PARVA: variants seen among roughly 807,000 people sequenced by gnomAD.
The protein encoded by PARVA is parvin alpha.
A neutral mutation model predicts 52.6 loss-of-function variants in PARVA; 25 were observed. The ratio of observed to expected loss-of-function variants is 0.48; its 90% CI spans 0.35 to 0.66. The LOEUF is 0.66. Among genes scored for constraint, PARVA ranks in the 30% least tolerant of loss-of-function variants. The probability of loss-of-function intolerance (pLI) is 0.01; values close to 1 mark genes in which losing one functional copy is unlikely to be tolerated. For missense variants in PARVA, 373 were observed against 450.9 expected, an observed-to-expected ratio of 0.83 and a Z score of 1.56; for synonymous variants, 185 against 179.1, an observed-to-expected ratio of 1.03 and a Z score of -0.26.
intron 12 of PARVA, 98 bp from the exon 13 acceptor site, chr11:12,527,751 A>C: frequency 1.1e-6 from 1 of 892,890 alleles, no homozygotes; most frequent in South Asian, 1.4e-5. Context: ...TGCTGGGTAC[A>C]TGGGATTGGG....
At chr11:12,489,735 G>A (rs1007230075) in intron 4 of PARVA, among the ~76,000 whole-genome samples, 1 of 151,964 alleles carries the variant, frequency 6.6e-6, no homozygotes, top group Non-Finnish European at 1.5e-5. Context: ...AAGCATAGAG[G>A]AAAAAATCAA....
intron 3 of PARVA, among the ~76,000 whole-genome samples, chr11:12,474,301 G>A (rs138008937): frequency 6.6e-6 from 1 of 151,986 alleles, no homozygotes; most frequent in African/African-American, 2.4e-5. Context: ...GCAGGCAGTG[G>A]AGCAGTAATT....
At chr11:12,496,122 G>A (rs573849119) in intron 4 of PARVA, among the ~76,000 whole-genome samples, 9 of 152,312 alleles carry the variant, frequency 5.9e-5, no homozygotes, top group South Asian at 2.1e-4. Context: ...CTTTCCAGTC[G>A]GAGCACAGAG....
chr11:12,388,743 G>T (rs987854384), intron 1 of PARVA, among the ~76,000 whole-genome samples: 2 of 151,444 alleles, frequency 1.3e-5, no homozygotes, highest in African/African-American at 4.9e-5. Flanking sequence ...GTAAAGATAA[G>T]TTTTTTTATC....
In PARVA at chr11:12,393,070, AAG is replaced by A. The variant is rs369666372; in HGVS notation, c.136+15289_136+15290del. The stretch of plus-strand genomic sequence containing the variant: ...AAAAAAAAAAAAAAAAAAAAAAAGA[AAG>A]AAAAAAAATACCAGAAAAGTAGCAA... On this transcript the variant is annotated intron_variant, in intron 1 of 12. Coordinates refer to ENST00000334956, the MANE Select transcript of PARVA (RefSeq NM_018222.5). Among the ~76,000 whole-genome samples the A allele has an allele frequency of 2.4e-3, 361 of 150,870 alleles. 2 individuals carry two copies. Among genetic ancestry groups the A allele is most frequent in the African/African-American group, 8.4e-3 (345 of 41,046 alleles).
chr11:12,401,593 C>A (rs1022900950), intron 1 of PARVA, among the ~76,000 whole-genome samples: 1 of 152,086 alleles, frequency 6.6e-6, no homozygotes. Flanking sequence ...TTGAAGACAT[C>A]GTACTGAAGT....
At chr11:12,443,043 A>C (rs1940490422) in intron 1 of PARVA, among the ~76,000 whole-genome samples, 1 of 151,356 alleles carries the variant, frequency 6.6e-6, no homozygotes, top group South Asian at 2.1e-4. Context: ...TTATATTTTT[A>C]GTACAGATGG....
intron 1 of PARVA, among the ~76,000 whole-genome samples, chr11:12,449,755 G>C (rs527598571): frequency 5.9e-5 from 9 of 152,306 alleles, no homozygotes; most frequent in African/African-American, 1.7e-4. Context: ...CTGGCATTTA[G>C]TGGGTAGGGG....
chr11:12,472,857 A>G (rs1388034799), intron 1 of PARVA, among the ~76,000 whole-genome samples: 1 of 152,180 alleles, frequency 6.6e-6, no homozygotes, highest in Non-Finnish European at 1.5e-5. Context: ...TAGGAGGGGT[A>G]ATCCAAGGTC....
At chr11:12,443,741 A>T (rs1416692131) in intron 1 of PARVA, among the ~76,000 whole-genome samples, 1 of 152,166 alleles carries the variant, frequency 6.6e-6, no homozygotes, top group Non-Finnish European at 1.5e-5. Flanking sequence ...AAACAGGTGT[A>T]GCATAATTTT....
chr11:12,454,868 C>T (rs138689816), intron 1 of PARVA, among the ~76,000 whole-genome samples: 181 of 152,260 alleles, frequency 1.2e-3, no homozygotes, highest in African/African-American at 4.2e-3. Flanking sequence ...TTAATAATTC[C>T]TTAACATGTT....
At chr11:12,456,266 T>C (rs1249152111) in intron 1 of PARVA, among the ~76,000 whole-genome samples, 1 of 152,222 alleles carries the variant, frequency 6.6e-6, no homozygotes, top group Non-Finnish European at 1.5e-5. Flanking sequence ...GGGCATTTCG[T>C]ATGTGCCATG....
chr11:12,533,808 C>CGGAGGAGGA lies in PARVA; in HGVS notation c.*5900_*5908dup, dbSNP rs1554904930. ...CCTCATGGTCATCACATTGAGTAGG[C>CGGAGGAGGA]GGAGGAGGAGGAGGAGGAGGAGGAG... On this transcript the variant is annotated 3_prime_UTR_variant, in exon 13 of 13. Transcript: ENST00000334956. 4.0e-5 allele frequency among the ~76,000 whole-genome samples: 6 copies of CGGAGGAGGA among 150,164 alleles called. No individual in the cohort carries two copies. Among genetic ancestry groups the CGGAGGAGGA allele is most frequent in the African/African-American group, 1.2e-4 (5 of 40,576 alleles).
At chr11:12,396,359 CTGGCAATTTGTCTAGTT>C (rs1304427474) in intron 1 of PARVA, among the ~76,000 whole-genome samples, 83 of 152,286 alleles carry the variant, frequency 5.5e-4, no homozygotes, top group African/African-American at 1.9e-3. Flanking sequence ...TTTAAAGGTG[CTGGCAATTTGTCTAGTT>C]TGTCCATTTG....
chr11:12,482,143 C>A (rs544497611), intron 4 of PARVA, among the ~76,000 whole-genome samples: 11 of 125,238 alleles, frequency 8.8e-5, no homozygotes, highest in Non-Finnish European at 1.8e-4. Context: ...GCAGCAAGAA[C>A]GAAACCCTGT....
intron 4 of PARVA, chr11:12,478,163 G>T: frequency 1.5e-6 from 1 of 648,710 alleles, no homozygotes; most frequent in Non-Finnish European, 2.9e-6. Context: ...TCCATGACTA[G>T]GTGGGCCTGC....
chr11:12,527,213 A>G (rs1941714447), intron 12 of PARVA, among the ~76,000 whole-genome samples: 2 of 152,110 alleles, frequency 1.3e-5, no homozygotes, highest in South Asian at 4.2e-4. Context: ...CAAAGGAAGG[A>G]AGGCAAAGAG....
Position 12,429,830 on chromosome 11 carries a change from C to G in PARVA, c.137-43915C>G, listed in dbSNP as rs567735562. ...AGCTTAGCGTTCCAATAATGGAACA[C>G]TAGGCATAACTGGGATAAACTGAAA... On this transcript the variant is annotated intron_variant, in intron 1 of 12. Transcript: ENST00000334956. Among the ~76,000 whole-genome samples the G allele has an allele frequency of 2.0e-5, 3 of 152,246 alleles. No homozygotes were observed. In the East Asian group the frequency reaches 5.8e-4, roughly 29 times the overall value.
rs34904579 is a variant in PARVA, at chr11:12,490,516, C to CAA, written c.401-5930_401-5929dup. 1.5e-3 allele frequency among the ~76,000 whole-genome samples: 161 copies of CAA among 108,654 alleles called. 1 individual carries two copies. The highest frequency in any genetic ancestry group is 3.6e-3 in the African/African-American group (112 of 30,864). 71.3% of individuals were successfully genotyped at this position (108,654 alleles called of 152,430 possible). A position where few individuals can be genotyped will look rare whatever the true frequency, so the allele number is the denominator to read the frequency against. On this transcript the variant is annotated intron_variant, in intron 4 of 12. Coordinates refer to ENST00000334956, the MANE Select transcript of PARVA (RefSeq NM_018222.5). The stretch of plus-strand genomic sequence containing the variant: ...TGGGTGATAGAGTAAGACTATGTCT[C>CAA]AAAAAAAAAAAAAGAGAGAGAGAGA...
Sources: gnomAD v4.1 joint callset for allele counts (sites outside exome capture counted in the v4.1 genomes callset) on GRCh38, gnomAD v4.1.1 for gene constraint, MANE v1.5 for transcripts, NCBI Gene and HGNC (gene_info 2026-07-23, HGNC 2026-07-21) for gene names.